TMEM132D: variants seen among roughly 807,000 people sequenced by gnomAD.
TMEM132D encodes the protein mature OL transmembrane protein.
Under a neutral mutation model 62.3 loss-of-function variants are expected in TMEM132D, and 21 were observed. The ratio of observed to expected loss-of-function variants is 0.34; its 90% CI spans 0.24 to 0.49. TMEM132D has a LOEUF of 0.49. TMEM132D is among the 20% of genes least tolerant of loss of function. The probability of loss-of-function intolerance (pLI) is 0.99; values close to 1 mark genes in which losing one functional copy is unlikely to be tolerated. For missense variants in TMEM132D, 1,346 were observed against 1,402.8 expected (o/e 0.96, Z 0.65); for synonymous variants, 621 against 575.6 (o/e 1.08, Z -1.13).
intron 1 of TMEM132D, among the ~76,000 whole-genome samples, chr12:129,704,516 A>G (rs1197694983): frequency 1.3e-5 from 2 of 152,348 alleles, no homozygotes; most frequent in East Asian, 3.9e-4. Flanking sequence ...GAGGTTTGAC[A>G]TAGCCACACT....
intron 3 of TMEM132D, among the ~76,000 whole-genome samples, chr12:129,390,554 A>G (rs1411366026): frequency 6.6e-6 from 1 of 152,134 alleles, no homozygotes; most frequent in African/African-American, 2.4e-5. Flanking sequence ...CATAAAGAAG[A>G]ACTGAGTGCT....
chr12:129,754,713 T>A (rs1247449415), intron 1 of TMEM132D, among the ~76,000 whole-genome samples: 2 of 152,184 alleles, frequency 1.3e-5, no homozygotes, highest in African/African-American at 4.8e-5. Context: ...TGCTTTTTAC[T>A]TAAGGAGCCT....
intron 3 of TMEM132D, among the ~76,000 whole-genome samples, chr12:129,398,931 G>A (rs1391930135): frequency 2.0e-5 from 3 of 152,116 alleles, no homozygotes; most frequent in Admixed American, 1.3e-4. Flanking sequence ...CTTGAGAATA[G>A]TAATTCGTAA....
intron 1 of TMEM132D, among the ~76,000 whole-genome samples, chr12:129,785,211 C>A (rs996433013): frequency 1.3e-5 from 2 of 152,136 alleles, no homozygotes; most frequent in Non-Finnish European, 2.9e-5. Flanking sequence ...AAGCAGACAG[C>A]GCCCTGGCCT....
chr12:129,901,830 C>A (rs1875361593), intron 1 of TMEM132D, among the ~76,000 whole-genome samples: 1 of 151,606 alleles, frequency 6.6e-6, no homozygotes, highest in Non-Finnish European at 1.5e-5. Context: ...ACAAAGAAGT[C>A]TGGACCTATT....
chr12:129,108,680 G>A (rs1179060502), intron 5 of TMEM132D, among the ~76,000 whole-genome samples: 2 of 152,160 alleles, frequency 1.3e-5, no homozygotes, highest in African/African-American at 4.8e-5. Flanking sequence ...TCAGATGCAT[G>A]CGGTATTTCC....
intron 3 of TMEM132D, among the ~76,000 whole-genome samples, chr12:129,516,537 C>A (rs1489390221): frequency 6.6e-6 from 1 of 152,162 alleles, no homozygotes; most frequent in Non-Finnish European, 1.5e-5. Flanking sequence ...CCTTATAATA[C>A]CATCAGATCT....
At chr12:129,269,330 T>G (rs983314330) in intron 4 of TMEM132D, among the ~76,000 whole-genome samples, 3 of 140,160 alleles carry the variant, frequency 2.1e-5, no homozygotes, top group Admixed American at 1.6e-4. Context: ...TGGTATTTTT[T>G]GCACAGTACT....
chr12:129,699,249 A>C (rs1418492082), intron 2 of TMEM132D, among the ~76,000 whole-genome samples: 1 of 152,232 alleles, frequency 6.6e-6, no homozygotes, highest in Non-Finnish European at 1.5e-5. Context: ...GAAACTCAAC[A>C]AATTCTACTG....
chr12:129,562,854 A>C (rs913033766), intron 2 of TMEM132D, among the ~76,000 whole-genome samples: 1 of 152,246 alleles, frequency 6.6e-6, no homozygotes, highest in African/African-American at 2.4e-5. Flanking sequence ...CGGTTTACAG[A>C]AAGTCCTCTT....
At chr12:129,844,745 C>T (rs1189790428) in intron 1 of TMEM132D, among the ~76,000 whole-genome samples, 1 of 152,120 alleles carries the variant, frequency 6.6e-6, no homozygotes, top group Non-Finnish European at 1.5e-5. Context: ...TATATGGTCC[C>T]AGAACTCATC....
chr12:129,402,632 G>A (rs983697521), intron 3 of TMEM132D, among the ~76,000 whole-genome samples: 8 of 152,154 alleles, frequency 5.3e-5, no homozygotes, highest in East Asian at 1.9e-4. Context: ...GTGCAGTGGC[G>A]CAATCAGAGC....
At chr12:129,442,841 TG>T in intron 3 of TMEM132D, among the ~76,000 whole-genome samples, 1 of 152,278 alleles carries the variant, frequency 6.6e-6, no homozygotes, top group Non-Finnish European at 1.5e-5. Flanking sequence ...TTCATCTTGG[TG>T]TCTGCAAGAG....
chr12:129,426,769 T>C (rs975650209), intron 3 of TMEM132D, among the ~76,000 whole-genome samples: 10 of 152,144 alleles, frequency 6.6e-5, no homozygotes, highest in Admixed American at 6.5e-4. Flanking sequence ...ATTATCACCG[T>C]TTTTCAAAGA....
intron 4 of TMEM132D, among the ~76,000 whole-genome samples, chr12:129,270,927 A>G (rs1016190135): frequency 6.6e-6 from 1 of 152,164 alleles, no homozygotes; most frequent in African/African-American, 2.4e-5. Flanking sequence ...GTATCTTGCA[A>G]TGGCATCTCT....
intron 5 of TMEM132D, among the ~76,000 whole-genome samples, chr12:129,125,370 A>G (rs1876182188): frequency 6.6e-6 from 1 of 152,194 alleles, no homozygotes; most frequent in African/African-American, 2.4e-5. Context: ...GTAAGACACA[A>G]TTCCCCTAGC....
intron 4 of TMEM132D, among the ~76,000 whole-genome samples, chr12:129,266,894 C>T (rs1391560830): frequency 6.6e-6 from 1 of 152,124 alleles, no homozygotes; most frequent in African/African-American, 2.4e-5. Context: ...CCAAACAGAG[C>T]TCTACCTCCT....
intron 3 of TMEM132D, among the ~76,000 whole-genome samples, chr12:129,524,028 C>T (rs1489332035): frequency 6.6e-6 from 1 of 151,466 alleles, no homozygotes; most frequent in Non-Finnish European, 1.5e-5. Flanking sequence ...TGGCTTTGAA[C>T]AATGAGAACA....
At chr12:129,430,427 GT>G (rs1264543442) in intron 3 of TMEM132D, among the ~76,000 whole-genome samples, 1 of 151,910 alleles carries the variant, frequency 6.6e-6, no homozygotes, top group Non-Finnish European at 1.5e-5. Flanking sequence ...TTTTGATGGG[GT>G]TTTTTCTTGT....
Sources: gnomAD v4.1 joint callset for allele counts (sites outside exome capture counted in the v4.1 genomes callset) on GRCh38, gnomAD v4.1.1 for gene constraint, MANE v1.5 for transcripts, NCBI Gene and HGNC (gene_info 2026-07-23, HGNC 2026-07-21) for gene names.